VPS53: variants seen among roughly 807,000 people sequenced by gnomAD.
VPS53 encodes VPS53 subunit of GARP complex, also known as vacuolar protein sorting-associated protein 53 homolog.
A neutral mutation model predicts 107.0 loss-of-function variants in VPS53; 70 were observed. The ratio of observed to expected loss-of-function variants is 0.65; its 90% CI spans 0.54 to 0.80. VPS53 has a LOEUF of 0.80. Among genes scored for constraint, VPS53 ranks in the 30% least tolerant of loss-of-function variants. The probability of loss-of-function intolerance (pLI) is 0.00; values close to 1 mark genes in which losing one functional copy is unlikely to be tolerated. For synonymous variants in VPS53, 409 were observed against 393.3 expected (o/e 1.04, Z -0.47); for missense variants, 917 against 1,049.4 (o/e 0.87, Z 1.74).
At chr17:536,916 G>C in intron 18 of VPS53, 112 bp downstream of exon 18, 1 of 1,384,368 alleles carries the variant, frequency 7.2e-7, no homozygotes, top group Admixed American at 2.2e-5. Flanking sequence ...TCAGGTACAC[G>C]GGAAATCTCT....
At chr17:642,662 GCGAGGACAACACTCATACTTGGCAAC>G (rs1970475923) in intron 7 of VPS53, among the ~76,000 whole-genome samples, 11 of 129,176 alleles carry the variant, frequency 8.5e-5, no homozygotes, top group East Asian at 2.5e-4. Flanking sequence ...TACTTGGAAA[GCGAGGACAACACTCATACTTGGCAAC>G]CGAGGACAAC....
intron 11 of VPS53, among the ~76,000 whole-genome samples, chr17:605,844 C>T (rs1258820484): frequency 2.6e-5 from 4 of 152,012 alleles, no homozygotes; most frequent in Non-Finnish European, 2.9e-5. Flanking sequence ...AGCCCCATCA[C>T]GCAGCCTTTT....
rs191076775 is a variant in VPS53 at position 556,531 on chromosome 17, C to T, written c.1705-3069G>A. ...TACAATAGCAATTCATAACATCGTT[C>T]TGTGGTTTGATTGTGTTCTCCAAAG... On this transcript the variant is annotated intron_variant, in intron 15 of 21. Transcript: ENST00000437048. Among the ~76,000 whole-genome samples, 451 of 152,180 alleles carry T rather than the reference C, an allele frequency of 3.0e-3. 1 individual carries two copies. The highest frequency in any genetic ancestry group is 5.4e-3 in the Non-Finnish European group (370 of 68,016).
At chr17:686,578 G>A (rs908218362) in intron 4 of VPS53, among the ~76,000 whole-genome samples, 14 of 152,246 alleles carry the variant, frequency 9.2e-5, no homozygotes, top group East Asian at 7.7e-4. Flanking sequence ...AAGCTGTGCC[G>A]CCATTTTTAT....
Position 699,638 on chromosome 17 carries a change from G to A in VPS53, c.169-258C>T, listed in dbSNP as rs75104376. 7.2e-3 allele frequency among the ~76,000 whole-genome samples: 1,099 copies of A among 152,318 alleles called. 18 individuals carry two copies. Among genetic ancestry groups the A allele is most frequent in the East Asian group, 0.056 (289 of 5,192 alleles). On this transcript the variant is annotated intron_variant, in intron 2 of 21. Coordinates refer to ENST00000437048, the MANE Select transcript of VPS53 (RefSeq NM_001128159.3). The stretch of plus-strand genomic sequence containing the variant: ...GTTCACTTACATATTGCCTGCGGCT[G>A]CTCTTAAGCTAACATGGCAGGTAGG...
chr17:659,039 A>AT (rs1054397617), intron 5 of VPS53, among the ~76,000 whole-genome samples: 7 of 86,438 alleles, frequency 8.1e-5, no homozygotes, highest in Non-Finnish European at 1.8e-4. Context: ...CAATGAATTA[A>AT]AAAAAAAAAA....
chr17:653,397 G>C lies in VPS53; in HGVS notation c.502C>G (p.Arg168Gly), dbSNP rs781011484. 1 of 1,614,096 alleles carries C rather than the reference G, an allele frequency of 6.2e-7. No individual in the cohort carries two copies. Among genetic ancestry groups the C allele is most frequent in the Non-Finnish European group, 8.5e-7 (1 of 1,180,052 alleles). Residue 168 changes from arginine (R) to glycine (G), a missense_variant, in exon 7 of 22, where the codon CGA becomes GGA. By Grantham distance (125) the Arg-to-Gly change is moderately radical. Coordinates refer to ENST00000437048, the MANE Select transcript of VPS53 (RefSeq NM_001128159.3). ...TTAGCAACTTCTCCGTATTGTCTTC[G>C]CCTGGTCATGGCTCTGCAAGGAAAG... ...GVDSLEAMTR[R>G]RQYGEVANLL...
At chr17:665,944 C>T (rs139222401) in intron 4 of VPS53, among the ~76,000 whole-genome samples, 5,669 of 152,146 alleles carry the variant, frequency 0.037, 135 homozygotes, top group Non-Finnish European at 0.051. Flanking sequence ...GCGGAGGTTG[C>T]AGTGAGCTGA....
intron 7 of VPS53, among the ~76,000 whole-genome samples, chr17:636,628 G>C (rs1251638697): frequency 1.3e-5 from 2 of 152,140 alleles, no homozygotes; most frequent in Non-Finnish European, 2.9e-5. Flanking sequence ...TAGCATGAAG[G>C]GCTGTTGAAT....
At chr17:703,202 C>G (rs1973270406) in intron 2 of VPS53, among the ~76,000 whole-genome samples, 1 of 152,204 alleles carries the variant, frequency 6.6e-6, no homozygotes, top group Non-Finnish European at 1.5e-5. Flanking sequence ...GAGTGGGAAC[C>G]CACCTCAAAT....
chr17:572,845 G>T (rs1914294692), intron 13 of VPS53, among the ~76,000 whole-genome samples: 1 of 150,692 alleles, frequency 6.6e-6, no homozygotes, highest in Non-Finnish European at 1.5e-5. Context: ...CTCGTTAAGA[G>T]TCATCACCAC....
At chr17:586,005 G>A (rs62056461) in intron 13 of VPS53, among the ~76,000 whole-genome samples, 25 of 152,164 alleles carry the variant, frequency 1.6e-4, no homozygotes, top group South Asian at 4.1e-4. Context: ...TATATGTCAG[G>A]GCTCAACACC....
chr17:692,298 T>C (rs62053809), intron 4 of VPS53, among the ~76,000 whole-genome samples: 21,178 of 152,208 alleles, frequency 0.14, 1,900 homozygotes, highest in East Asian at 0.4. Context: ...ACTTGTTGAA[T>C]TGACTCATCC....
At position 645,538 on chromosome 17, in the gene VPS53, T is replaced by G. The variant is rs193277948; in HGVS notation, c.608+7753A>C. On this transcript the variant is annotated intron_variant, in intron 7 of 21. Coordinates refer to ENST00000437048, the MANE Select transcript of VPS53 (RefSeq NM_001128159.3). ...AGTCCCATTTATCTATGTTTTCCTT[T>G]TGTTGCCTAGGACTTTGGTGTCATA... 9.8e-4 allele frequency among the ~76,000 whole-genome samples: 150 copies of G among 152,370 alleles called. 1 individual carries two copies. Among genetic ancestry groups the G allele is most frequent in the African/African-American group, 3.4e-3 (140 of 41,594 alleles).
chr17:657,386 CT>C, intron 5 of VPS53: 1 of 797,888 alleles, frequency 1.3e-6, no homozygotes, highest in South Asian at 1.4e-5. Flanking sequence ...GCATGCAAAT[CT>C]TCTTAAGTCT....
rs16954064 is a variant in VPS53, at chr17:627,099, T to C, written c.974+75A>G. 409,451 of 1,542,728 alleles carry C rather than the reference T, an allele frequency of 0.27. 60,443 individuals carry two copies. Among genetic ancestry groups the C allele is most frequent in the African/African-American group, 0.6 (43,251 of 72,592 alleles). On this transcript the variant is annotated intron_variant, in intron 10 of 21. Coordinates refer to ENST00000437048, the MANE Select transcript of VPS53 (RefSeq NM_001128159.3). ...GTGGCATCAAATCCACAGGACAACA[T>C]GGAACCATTAGAGACTGGGGAACCG...
At chr17:647,583 C>T (rs538678770) in intron 7 of VPS53, among the ~76,000 whole-genome samples, 2 of 152,326 alleles carry the variant, frequency 1.3e-5, no homozygotes, top group African/African-American at 2.4e-5. Flanking sequence ...CTCCTTCTTT[C>T]TTGCAGCTCA....
chr17:582,204 G>C lies in VPS53; in HGVS notation c.1313+4066C>G, dbSNP rs1209597483. 3.5e-5 allele frequency among the ~76,000 whole-genome samples: 5 copies of C among 144,796 alleles called. 1 individual carries two copies. The East Asian group carries it at 7.4e-4, about 21-fold the overall frequency. The allele number at this position is 144,796 out of a possible 152,430, so 95.0% of individuals were successfully genotyped here. ...CCCTCAGAACCTAATGCATCCCAGA[G>C]AACATCACTCAGAACCTAATGTGTT... On this transcript the variant is annotated intron_variant, in intron 13 of 21. Transcript: ENST00000437048.
chr17:680,484 T>C (rs981664117), intron 4 of VPS53, among the ~76,000 whole-genome samples: 1 of 152,064 alleles, frequency 6.6e-6, no homozygotes. Flanking sequence ...AGGTTAAATA[T>C]TTTAAAAAGA....
Sources: allele counts gnomAD v4.1 joint callset (sites outside exome capture counted in the v4.1 genomes callset), GRCh38; gene constraint gnomAD v4.1.1; transcripts MANE v1.5; gene names NCBI Gene and HGNC (gene_info 2026-07-23, HGNC 2026-07-21).